The following JMJD7 variants were observed in gnomAD, a reference collection of about 807,000 sequenced individuals.
JMJD7 encodes the protein bifunctional peptidase and (3S)-lysyl hydroxylase JMJD7.
A neutral mutation model predicts 41.1 loss-of-function variants in JMJD7; 41 were observed. The ratio of observed to expected loss-of-function variants is 1.00; its 90% CI spans 0.78 to 1.30. The LOEUF (loss-of-function observed/expected upper bound fraction) is 1.30, where lower values mean the gene tolerates loss of function less well. Ranked by LOEUF, JMJD7 falls within the 50% of genes most tolerant of loss-of-function variation. JMJD7 has a pLI of 0.00. For synonymous variants in JMJD7, 202 were observed against 177.2 expected (o/e 1.14, Z -1.11); for missense variants, 480 against 420.7 (o/e 1.14, Z -1.23).
intron 1 of JMJD7, among the ~76,000 whole-genome samples, chr15:41,834,298 C>T (rs2065276885): frequency 6.6e-6 from 1 of 152,246 alleles, no homozygotes; most frequent in African/African-American, 2.4e-5. Context: ...GTAAATGTCA[C>T]TGTTAAAGGG....
rs1239528383 is a variant in JMJD7 at position 41,833,414 on chromosome 15, A to ATATTTTT, written c.65-1325_65-1324insATTTTTT. 3.5e-3 allele frequency among the ~76,000 whole-genome samples: 111 copies of ATATTTTT among 32,020 alleles called. 6 individuals are homozygous for ATATTTTT. Among genetic ancestry groups the ATATTTTT allele is most frequent in the South Asian group, 0.01 (7 of 700 alleles). 21.0% of individuals were successfully genotyped at this position (32,020 alleles called of 152,430 possible). A position where few individuals can be genotyped will look rare whatever the true frequency, so the allele number is the denominator to read the frequency against. ...AATACATATATATATATATATATAT[A>ATATTTTT]TTTTTTTTTTTTTTTTTTTTTTTTG... On this transcript the variant is annotated intron_variant, in intron 1 of 7. Transcript: ENST00000397299.
rs550004397 is a variant in JMJD7, at chr15:41,830,487, C to T, written c.64+2299C>T. ...CGGGAACTGGGGACAAGTGGGAGCC[C>T]CACCCCTTCCAAGTTGGTGGAGTGG... is the stretch of plus-strand genomic sequence containing the variant. On this transcript the variant is annotated intron_variant, in intron 1 of 7. Coordinates refer to ENST00000397299, the MANE Select transcript of JMJD7 (RefSeq NM_001114632.2). 3.9e-5 allele frequency among the ~76,000 whole-genome samples: 6 copies of T among 152,322 alleles called. No individual in the cohort carries two copies. The South Asian group carries it at 1.0e-3, about 26-fold the overall frequency.
At chr15:41,832,517 C>T (rs1252098630) in intron 1 of JMJD7, 1 of 152,500 alleles carries the variant, frequency 6.6e-6, no homozygotes, top group Non-Finnish European at 1.5e-5. Flanking sequence ...CTCAAGGTGA[C>T]TGCTTGGATG....
intron 5 of JMJD7, 62 bp downstream of exon 5, chr15:41,836,305 G>A (rs1171118955): frequency 1.2e-6 from 2 of 1,600,946 alleles, no homozygotes; most frequent in Non-Finnish European, 1.7e-6. Context: ...GAGGGAGGCA[G>A]CAAGAGCCTG....
chr15:41,834,956 G>A lies in JMJD7; in HGVS notation c.219-14G>A. 6.2e-7 allele frequency: 1 copy of A among 1,613,950 alleles called. No individual in the cohort carries two copies. ...ACTGGCATCTGGGCATGGGCTGAGT[G>A]TCCATTCCTCTAGAGCCACAGTGGG... On this transcript the variant is annotated splice_polypyrimidine_tract_variant and intron_variant, in intron 2 of 7. Transcript: ENST00000397299.
chr15:41,835,672 G>A, intron 4 of JMJD7, 28 bp downstream of exon 4: 1 of 1,607,908 alleles, frequency 6.2e-7, no homozygotes, highest in Middle Eastern at 1.7e-4. Context: ...ACAAAGGTGG[G>A]GAAGGAGCAG....
chr15:41,836,410 G>C, intron 5 of JMJD7, 65 bp from the exon 6 acceptor site: 1 of 1,557,498 alleles, frequency 6.4e-7, no homozygotes, highest in Non-Finnish European at 8.7e-7. Context: ...GGCTGGGGTG[G>C]AGGAGGGTCT....
rs1414734308 is a variant in JMJD7 at position 41,836,881 on chromosome 15, T to C, written c.803T>C (p.Met268Thr). Residue 268 changes from methionine to threonine, a missense_variant, in exon 7 of 8, where the codon ATG (methionine) becomes ACG (threonine). Transcript: ENST00000397299. ...ALRCTVRAGE[M>T]LYLPALWFHH... ...CGCTGCACGGTGCGGGCCGGTGAGA[T>C]GCTCTATCTGCCGGCTCTGTGGTTC... 8 of 1,613,382 alleles carry C rather than the reference T, an allele frequency of 5.0e-6. No homozygotes were observed. The African/African-American group carries it at 1.1e-4, about 22-fold the overall frequency.
chr15:41,831,676 C>G (rs2065230663), intron 1 of JMJD7, among the ~76,000 whole-genome samples: 1 of 152,168 alleles, frequency 6.6e-6, no homozygotes, highest in African/African-American at 2.4e-5. Flanking sequence ...ATCCTCTTTG[C>G]TGAGAGCTGA....
intron 1 of JMJD7, among the ~76,000 whole-genome samples, chr15:41,832,215 C>T (rs1343511750): frequency 1.3e-5 from 2 of 152,232 alleles, no homozygotes; most frequent in Non-Finnish European, 2.9e-5. Context: ...ACACACCCCT[C>T]GCTGCCCCAC....
chr15:41,830,516 C>T (rs1435179641), intron 1 of JMJD7, among the ~76,000 whole-genome samples: 1 of 152,206 alleles, frequency 6.6e-6, no homozygotes, highest in Admixed American at 6.5e-5. Context: ...GGAGTGGGAG[C>T]TCCCTAGGCG....
intron 1 of JMJD7, among the ~76,000 whole-genome samples, chr15:41,830,187 C>G (rs1243212460): frequency 6.6e-6 from 1 of 152,184 alleles, no homozygotes; most frequent in Non-Finnish European, 1.5e-5. Context: ...CTGAACCTCG[C>G]TCCCTGCCAC....
chr15:41,828,149 G>A lies in JMJD7; in HGVS notation c.25G>A (p.Val9Met). Residue 9 changes from valine to methionine, a missense_variant, in exon 1 of 8, where the codon GTG (valine) becomes ATG (methionine). Transcript: ENST00000397299. ...CATGGCGGAGGCGGCTTTGGAAGCC[G>A]TGCGGAGCGAGTTACGAGAATTCCC... MAEAALEA[V>M]RSELREFPAA... 1.3e-6 allele frequency: 2 copies of A among 1,486,922 alleles called. No homozygotes were observed. The highest frequency in any genetic ancestry group is 1.4e-5 in the South Asian group (1 of 72,804). The allele number at this position is 1,486,922 out of a possible 1,614,324, so 92.1% of individuals were successfully genotyped here. A position where few individuals can be genotyped will look rare whatever the true frequency, so the allele number is the denominator to read the frequency against.
At chr15:41,834,467 A>G (rs908200752) in intron 1 of JMJD7, among the ~76,000 whole-genome samples, 4 of 152,264 alleles carry the variant, frequency 2.6e-5, no homozygotes, top group Non-Finnish European at 5.9e-5. Context: ...TCCACTGTGC[A>G]GACACAGCCC....
Position 41,837,123 on chromosome 15 carries a change from C to T in JMJD7, c.918C>T (p.Leu306=), listed in dbSNP as rs369105158. The T allele has an allele frequency of 2.4e-5, 38 of 1,613,132 alleles. No individual in the cohort carries two copies. The African/African-American group carries it at 3.6e-4, about 15-fold the overall frequency. ...YDLKYSYFQL[L]DSLTKASGLD is the part of the protein sequence containing the mutation. ...TCAAGTATAGTTACTTCCAGCTGCT[C>T]GACTCCCTCACCAAGGCTTCAGGCC... Residue 306 remains leucine (L), a synonymous_variant, in exon 8 of 8, where the codon CTC becomes CTT. Transcript: ENST00000397299.
chr15:41,832,936 A>T (rs746318716), intron 1 of JMJD7, among the ~76,000 whole-genome samples: 6 of 152,216 alleles, frequency 3.9e-5, no homozygotes, highest in African/African-American at 7.2e-5. Flanking sequence ...CTGAGTGAGC[A>T]GCTGGAACAA....
At chr15:41,832,898 A>C (rs2065249469) in intron 1 of JMJD7, among the ~76,000 whole-genome samples, 1 of 152,220 alleles carries the variant, frequency 6.6e-6, no homozygotes, top group South Asian at 2.1e-4. Flanking sequence ...TGTACACTTT[A>C]TAAAAACCAG....
Position 41,834,806 on chromosome 15 carries a change from A to C in JMJD7, c.131A>C (p.Asp44Ala), listed in dbSNP as rs2065284268. 1.2e-6 allele frequency: 2 copies of C among 1,613,974 alleles called. No individual in the cohort carries two copies. Among genetic ancestry groups the C allele is most frequent in the African/African-American group, 2.7e-5 (2 of 74,900 alleles). The change falls in exon 2 of 8, where the codon GAC becomes GCC. Residue 44 changes from aspartate (D) to alanine (A), a missense_variant. By Grantham distance (126) the Asp-to-Ala change is moderately radical. Coordinates refer to ENST00000397299, the MANE Select transcript of JMJD7 (RefSeq NM_001114632.2). ...KPPTPLHFYRDWVCPNRPCII... is the reference protein window; with the variant it reads ...KPPTPLHFYRAWVCPNRPCII... ...CCAACTCCGCTCCACTTCTACCGGG[A>C]CTGGGTCTGCCCCAACAGGCCGTGC...
chr15:41,833,415 T>TATATATATATATA (rs1555457127), intron 1 of JMJD7, among the ~76,000 whole-genome samples: 5 of 23,290 alleles, frequency 2.1e-4, no homozygotes, highest in African/African-American at 4.7e-4. Flanking sequence ...TATATATATA[T>TATATATATATATA]TTTTTTTTTT....
Sources: allele counts gnomAD v4.1 joint callset (sites outside exome capture counted in the v4.1 genomes callset), GRCh38; gene constraint gnomAD v4.1.1; transcripts MANE v1.5; gene names NCBI Gene and HGNC (gene_info 2026-07-23, HGNC 2026-07-21).